CAST: variants seen among roughly 807,000 people sequenced by gnomAD.
CAST encodes the protein MIR583 host.
CAST carries 76 observed loss-of-function variants against 119.6 expected under a neutral mutation model. The observed-to-expected ratio is 0.64, with a 90% CI of 0.53 to 0.77. The LOEUF is 0.77. CAST is among the 30% of genes least tolerant of loss of function. The pLI is 0.00. For synonymous variants in CAST, 319 were observed against 331.6 expected, an observed-to-expected ratio of 0.96 and a Z score of 0.41; for missense variants, 953 against 946.5, an observed-to-expected ratio of 1.01 and a Z score of -0.09.
intron 1 of CAST, among the ~76,000 whole-genome samples, chr5:96,534,690 G>GGAGGGAAA (rs1745750491): frequency 1.5e-5 from 1 of 66,208 alleles, no homozygotes; most frequent in Non-Finnish European, 3.0e-5. Context: ...GAGAGAGAGA[G>GGAGGGAAA]GAAGGAAGGA....
At chr5:96,768,719 T>C (rs1476686180) in intron 29 of CAST, among the ~76,000 whole-genome samples, 1 of 152,216 alleles carries the variant, frequency 6.6e-6, no homozygotes, top group Non-Finnish European at 1.5e-5. Context: ...ATTTGCTCTC[T>C]GGAGCTTCCT....
chr5:96,294,270 T>TA, the CAST span, among the ~76,000 whole-genome samples: 3 of 152,224 alleles, frequency 2.0e-5, no homozygotes, highest in Non-Finnish European at 4.4e-5. Flanking sequence ...CTTTTGGACT[T>TA]AGAGTCACAA....
At chr5:96,280,414 T>A in the CAST span, among the ~76,000 whole-genome samples, 1 of 152,336 alleles carries the variant, frequency 6.6e-6, no homozygotes, top group East Asian at 1.9e-4. Flanking sequence ...ATGAAATGAC[T>A]AACAATGAAG....
chr5:96,603,883 C>A (rs946003913), intron 1 of CAST, among the ~76,000 whole-genome samples: 2 of 151,116 alleles, frequency 1.3e-5, no homozygotes, highest in African/African-American at 4.9e-5. Context: ...TCCGTCTCAG[C>A]CTCCAGAGTA....
chr5:96,728,986 A>G (rs1759901602), intron 6 of CAST, 167 bp from the exon 7 acceptor site: 2 of 582,606 alleles, frequency 3.4e-6, no homozygotes, highest in East Asian at 6.1e-5. Flanking sequence ...TTGACCTGAT[A>G]CCACATGTCT....
the CAST span, chr5:96,432,220 G>C: frequency 9.1e-7 from 1 of 1,095,202 alleles, no homozygotes; most frequent in Admixed American, 2.1e-5. Flanking sequence ...GCTCCCTAGA[G>C]AGTCGCGGGG....
At chr5:96,243,040 A>G in the CAST span, among the ~76,000 whole-genome samples, 3 of 152,178 alleles carry the variant, frequency 2.0e-5, no homozygotes, top group African/African-American at 7.2e-5. Context: ...TTATTCCTTA[A>G]TTTGTAACAT....
chr5:96,290,879 C>T, the CAST span, among the ~76,000 whole-genome samples: 3 of 152,164 alleles, frequency 2.0e-5, no homozygotes, highest in East Asian at 1.9e-4. Context: ...GTAGGCTTTA[C>T]GTGTGTAATC....
At chr5:96,183,095 C>T in the CAST span, among the ~76,000 whole-genome samples, 4 of 151,026 alleles carry the variant, frequency 2.6e-5, no homozygotes, top group Non-Finnish European at 5.9e-5. Flanking sequence ...GCCGAGATCG[C>T]GCGCCACTGC....
At chr5:96,670,462 C>G (rs1156472817) in intron 1 of CAST, among the ~76,000 whole-genome samples, 2 of 152,102 alleles carry the variant, frequency 1.3e-5, no homozygotes, top group African/African-American at 4.8e-5. Context: ...GCTTTTCTGT[C>G]TTCTTGCTTC....
chr5:96,004,980 G>T, the CAST span, among the ~76,000 whole-genome samples: 2 of 152,132 alleles, frequency 1.3e-5, no homozygotes, highest in African/African-American at 4.8e-5. Context: ...AGAGGACATT[G>T]CAACAGAAAT....
the CAST span, among the ~76,000 whole-genome samples, chr5:96,276,379 C>CT: frequency 6.6e-6 from 1 of 152,236 alleles, no homozygotes; most frequent in South Asian, 2.1e-4. Context: ...AGTCTTTAAA[C>CT]TTTTTTAAAG....
the CAST span, among the ~76,000 whole-genome samples, chr5:96,045,396 C>G: frequency 6.6e-6 from 1 of 151,540 alleles, no homozygotes; most frequent in Non-Finnish European, 1.5e-5. Context: ...ATTCATAGAG[C>G]TGTACAATTT....
At chr5:96,550,297 C>A (rs1213629091) in intron 1 of CAST, among the ~76,000 whole-genome samples, 1 of 152,222 alleles carries the variant, frequency 6.6e-6, no homozygotes, top group Non-Finnish European at 1.5e-5. Flanking sequence ...CTCCAGCAAA[C>A]TGCAACAGAC....
chr5:96,406,450 T>C, the CAST span, among the ~76,000 whole-genome samples: 1 of 152,216 alleles, frequency 6.6e-6, no homozygotes, highest in African/African-American at 2.4e-5. Context: ...ATTGAGCACC[T>C]GAATTTACTT....
the CAST span, among the ~76,000 whole-genome samples, chr5:96,041,289 C>G: frequency 6.6e-6 from 1 of 151,882 alleles, no homozygotes; most frequent in African/African-American, 2.4e-5. Flanking sequence ...TTTTATGGTC[C>G]TCCTCCCCAA....
the CAST span, among the ~76,000 whole-genome samples, chr5:95,993,377 C>T: frequency 6.6e-6 from 1 of 152,218 alleles, no homozygotes; most frequent in East Asian, 1.9e-4. Flanking sequence ...TGGGTTAAAC[C>T]AGTGGTTCTT....
At chr5:96,426,749 T>C in the CAST span, among the ~76,000 whole-genome samples, 3 of 152,188 alleles carry the variant, frequency 2.0e-5, no homozygotes, top group Admixed American at 6.5e-5. Flanking sequence ...GTATGCATGA[T>C]GACAATTCAG....
At chr5:96,543,177 T>G (rs1044779077) in intron 1 of CAST, among the ~76,000 whole-genome samples, 1 of 152,166 alleles carries the variant, frequency 6.6e-6, no homozygotes, top group Non-Finnish European at 1.5e-5. Context: ...ATGTGGCACA[T>G]ATACACCATG....
Sources: allele counts gnomAD v4.1 joint callset (sites outside exome capture counted in the v4.1 genomes callset), GRCh38; gene constraint gnomAD v4.1.1; transcripts MANE v1.5; gene names NCBI Gene and HGNC (gene_info 2026-07-23, HGNC 2026-07-21).